Variants in UFD1 observed in about 807,000 individuals in gnomAD.
UFD1 encodes the protein ubiquitin recognition factor in ER-associated degradation protein 1.
Under a neutral mutation model 45.9 loss-of-function variants are expected in UFD1, and 13 were observed. The observed-to-expected ratio is 0.28, with a 90% CI of 0.18 to 0.45. The LOEUF is 0.45. Ranked by LOEUF, UFD1 falls within the 20% of genes least tolerant of loss-of-function variation. The pLI is 1.00. For synonymous variants in UFD1, 128 were observed against 139.2 expected, an observed-to-expected ratio of 0.92 and a Z score of 0.56; for missense variants, 218 against 389.2, an observed-to-expected ratio of 0.56 and a Z score of 3.70.
chr22:19,473,502 T>A (rs2089860404), intron 3 of UFD1, among the ~76,000 whole-genome samples: 1 of 152,216 alleles, frequency 6.6e-6, no homozygotes, highest in Non-Finnish European at 1.5e-5. Context: ...ACCCCTGGTG[T>A]CTGGCTCCTG....
At position 19,455,744 on chromosome 22, in the gene UFD1, G is replaced by A; in HGVS notation, c.703C>T (p.Leu235=). The A allele has an allele frequency of 6.2e-7, 1 of 1,614,082 alleles. No individual in the cohort carries two copies. The highest frequency in any genetic ancestry group is 8.5e-7 in the Non-Finnish European group (1 of 1,179,954). ...FRAFSGSGNR[L]DGKKKGVEPS... ...TCTACCCCTTTCTTCTTTCCATCCA[G>A]TCTATTGCCAGATCCAGAGAAAGCC... Residue 235 remains leucine (L), a synonymous_variant, in exon 10 of 12, where the codon CTG becomes TTG. Transcript: ENST00000263202.
At chr22:19,455,986 C>T (rs1391868131) in intron 9 of UFD1, among the ~76,000 whole-genome samples, 2 of 152,184 alleles carry the variant, frequency 1.3e-5, no homozygotes, top group Admixed American at 6.5e-5. Flanking sequence ...TGGCCAAGGG[C>T]AGCCAGCAGT....
At position 19,475,594 on chromosome 22, in the gene UFD1, G is replaced by A. The variant is rs1183584844; in HGVS notation, c.12C>T (p.Phe4=). 1 of 1,614,176 alleles carries A rather than the reference G, an allele frequency of 6.2e-7. No individual in the cohort carries two copies. The highest frequency in any genetic ancestry group is 8.5e-7 in the Non-Finnish European group (1 of 1,180,016). Residue 4 remains phenylalanine (F), a synonymous_variant, in exon 2 of 12, where the codon TTC becomes TTT. Coordinates refer to ENST00000263202, the MANE Select transcript of UFD1 (RefSeq NM_005659.7). MFS[F]NMFDHPIPRV... is the part of the protein sequence containing the mutation. Reference sequence around the variant, plus strand: ...TGGGAATAGGGTGGTCGAACATGTTGAAAGAGAACTAGAAGGAGGAAAGAG... The same window carrying A: ...TGGGAATAGGGTGGTCGAACATGTTAAAAGAGAACTAGAAGGAGGAAAGAG...
chr22:19,449,956 G>A lies in UFD1; in HGVS notation c.*714C>T, dbSNP rs181268280. 1.3e-5 allele frequency: 2 copies of A among 152,334 alleles called. No individual in the cohort carries two copies. The highest frequency in any genetic ancestry group is 2.9e-5 in the Non-Finnish European group (2 of 68,032). 9.4% of individuals were successfully genotyped at this position (152,334 alleles called of 1,614,324 possible). A position where few individuals can be genotyped will look rare whatever the true frequency, so the allele number is the denominator to read the frequency against. Reference sequence around the variant, plus strand: ...AATTAAAATTGGGAGTTGGGGAGTAGGGAAGAAGGAGAGGAACATCTCTTT... The same window carrying A: ...AATTAAAATTGGGAGTTGGGGAGTAAGGAAGAAGGAGAGGAACATCTCTTT... On this transcript the variant is annotated 3_prime_UTR_variant, in exon 12 of 12. Coordinates refer to ENST00000263202, the MANE Select transcript of UFD1 (RefSeq NM_005659.7).
In UFD1 at chr22:19,478,908, G is replaced by A. The variant is rs945175384; in HGVS notation, c.3+175C>T. ...AGGACCGGCGGACGCGACCACAGGC[G>A]GTTAGTGGTCAAGGGTCCTGCTTGT... On this transcript the variant is annotated intron_variant, in intron 1 of 11. Transcript: ENST00000263202. 6 of 786,726 alleles carry A rather than the reference G, an allele frequency of 7.6e-6. No homozygotes were observed. The South Asian group carries it at 8.1e-5, about 11-fold the overall frequency. The allele number at this position is 786,726 out of a possible 1,614,324, so 48.7% of individuals were successfully genotyped here.
chr22:19,463,440 T>C (rs2089780944), intron 6 of UFD1, among the ~76,000 whole-genome samples: 1 of 152,276 alleles, frequency 6.6e-6, no homozygotes, highest in Non-Finnish European at 1.5e-5. Context: ...CTAATTATTT[T>C]ACATTTGTAT....
chr22:19,469,320 A>T (rs112578412), intron 4 of UFD1, among the ~76,000 whole-genome samples: 23 of 152,128 alleles, frequency 1.5e-4, no homozygotes, highest in Non-Finnish European at 2.9e-4. Flanking sequence ...CTGCAATTGC[A>T]AGCCTGAGGG....
chr22:19,460,043 T>C (rs1446156199), intron 6 of UFD1, among the ~76,000 whole-genome samples: 1 of 152,044 alleles, frequency 6.6e-6, no homozygotes, highest in Non-Finnish European at 1.5e-5. Context: ...GGCCAGTATG[T>C]CTTGCTTTTA....
At chr22:19,460,460 GTA>G (rs2089757978) in intron 6 of UFD1, among the ~76,000 whole-genome samples, 1 of 152,146 alleles carries the variant, frequency 6.6e-6, no homozygotes, top group African/African-American at 2.4e-5. Context: ...TTACTTTTAT[GTA>G]TTGGCATAAT....
In UFD1 at chr22:19,468,022, T is replaced by A; in HGVS notation, c.292-19A>T. Reference sequence around the variant, plus strand: ...GCATCATCTGAAAGGAAGAAGAGGCTACATGAGACTCCTAGAGATGAAGCA... The same window carrying A: ...GCATCATCTGAAAGGAAGAAGAGGCAACATGAGACTCCTAGAGATGAAGCA... On this transcript the variant is annotated intron_variant, in intron 4 of 11. Transcript: ENST00000263202. 2 of 1,613,524 alleles carry A rather than the reference T, an allele frequency of 1.2e-6. No homozygotes were observed. Among genetic ancestry groups the A allele is most frequent in the Non-Finnish European group, 1.7e-6 (2 of 1,179,706 alleles).
At chr22:19,470,657 G>C in intron 4 of UFD1, 1 of 440,590 alleles carries the variant, frequency 2.3e-6, no homozygotes, top group Non-Finnish European at 4.6e-6. Flanking sequence ...GGCCAGGCTA[G>C]TCTCGAACTC....
chr22:19,455,292 G>C (rs938134420), intron 10 of UFD1, among the ~76,000 whole-genome samples: 2 of 152,194 alleles, frequency 1.3e-5, no homozygotes, highest in African/African-American at 4.8e-5. Context: ...AACTTTCAGG[G>C]GAACTGAGAT....
At chr22:19,455,873 C>A (rs2089719190) in intron 9 of UFD1, 105 bp from the exon 10 acceptor site, 2 of 1,062,544 alleles carry the variant, frequency 1.9e-6, no homozygotes. Flanking sequence ...GCTGTGCAGA[C>A]CCCTTCAGGA....
At chr22:19,450,995 G>T in intron 11 of UFD1, 1 of 1,138,260 alleles carries the variant, frequency 8.8e-7, no homozygotes, top group South Asian at 2.0e-5. Flanking sequence ...AGTGTGGTAT[G>T]TGCCTATGAT....
At chr22:19,473,386 CAGAA>C (rs746266788) in intron 3 of UFD1, among the ~76,000 whole-genome samples, 8 of 152,200 alleles carry the variant, frequency 5.3e-5, no homozygotes, top group Non-Finnish European at 1.0e-4. Flanking sequence ...AAGATTTAGA[CAGAA>C]AGAGTTTCTC....
rs5993649 is a variant in UFD1 at position 19,478,862 on chromosome 22, G to A, written c.3+221C>T. ...CGTCAAGGAGGGCAAGTCCGGCTGA[G>A]ACAGAATGCGAGCCACGTTCAGGAC... On this transcript the variant is annotated intron_variant, in intron 1 of 11. Coordinates refer to ENST00000263202, the MANE Select transcript of UFD1 (RefSeq NM_005659.7). 254,775 of 576,834 alleles carry A rather than the reference G, an allele frequency of 0.44. 60,708 individuals are homozygous for A. The highest frequency in any genetic ancestry group is 0.5 in the Non-Finnish European group (172,915 of 343,650). 35.7% of individuals were successfully genotyped at this position (576,834 alleles called of 1,614,324 possible). A position where few individuals can be genotyped will look rare whatever the true frequency, so the allele number is the denominator to read the frequency against.
chr22:19,476,403 A>C (rs1260597973), intron 1 of UFD1, among the ~76,000 whole-genome samples: 2 of 152,192 alleles, frequency 1.3e-5, no homozygotes, highest in Non-Finnish European at 2.9e-5. Flanking sequence ...CTCACAGCAC[A>C]AAGTAGGTAC....
chr22:19,471,484 C>A, intron 4 of UFD1: 1 of 814,242 alleles, frequency 1.2e-6, no homozygotes, highest in African/African-American at 1.7e-5. Context: ...CACAGTGGCC[C>A]ACAGGTGCGT....
In UFD1 at chr22:19,476,797, A is replaced by G. The variant is rs755258632; in HGVS notation, c.4-1195T>C. On this transcript the variant is annotated intron_variant, in intron 1 of 11. Coordinates refer to ENST00000263202, the MANE Select transcript of UFD1 (RefSeq NM_005659.7). ...AGAGGCAGGTGGATTACCTGAGGTC[A>G]GGAGTTTGAGACCAGCCTGGCCAAC... Among the ~76,000 whole-genome samples the G allele has an allele frequency of 7.2e-5, 11 of 152,078 alleles. 1 individual carries two copies. The highest frequency in any genetic ancestry group is 7.4e-5 in the Non-Finnish European group (5 of 68,018).
Sources: gnomAD v4.1 joint callset for allele counts (sites outside exome capture counted in the v4.1 genomes callset) on GRCh38, gnomAD v4.1.1 for gene constraint, MANE v1.5 for transcripts, NCBI Gene and HGNC (gene_info 2026-07-23, HGNC 2026-07-21) for gene names.